DNAH14: variants seen among roughly 807,000 people sequenced by gnomAD.
The protein encoded by DNAH14 is dynein axonemal heavy chain 14.
Under a neutral mutation model 520.9 loss-of-function variants are expected in DNAH14, and 478 were observed. The ratio of observed to expected loss-of-function variants is 0.92; its 90% CI spans 0.85 to 0.99. The LOEUF is 0.99. Among genes scored for constraint, DNAH14 ranks in the 50% least tolerant of loss-of-function variants. The pLI is 0.00. For missense variants in DNAH14, 4,831 were observed against 5,234.5 expected, an observed-to-expected ratio of 0.92 and a Z score of 2.38; for synonymous variants, 1,581 against 1,757.2, an observed-to-expected ratio of 0.90 and a Z score of 2.51.
chr1:225,112,540 TC>T (rs1309283738), intron 23 of DNAH14, among the ~76,000 whole-genome samples: 2 of 152,174 alleles, frequency 1.3e-5, no homozygotes, highest in Non-Finnish European at 2.9e-5. Flanking sequence ...CTGTTATTAT[TC>T]ATTTCAACCC....
At chr1:225,030,276 TA>T (rs1460173776) in intron 11 of DNAH14, among the ~76,000 whole-genome samples, 54 of 152,118 alleles carry the variant, frequency 3.5e-4, no homozygotes, top group African/African-American at 1.3e-3. Context: ...AGGGAATTTA[TA>T]CATGTAAAAA....
chr1:224,967,647 A>C (rs753432129), intron 6 of DNAH14, 64 bp downstream of exon 6: 1 of 1,597,052 alleles, frequency 6.3e-7, no homozygotes, highest in Non-Finnish European at 8.5e-7. Flanking sequence ...CCAAGGTAGA[A>C]TTTAATTGCA....
intron 36 of DNAH14, among the ~76,000 whole-genome samples, chr1:225,174,719 TGTG>T (rs2083125130): frequency 6.6e-6 from 1 of 152,138 alleles, no homozygotes. Flanking sequence ...ATTGAGGAAA[TGTG>T]GTGAAAGTGA....
intron 84 of DNAH14, among the ~76,000 whole-genome samples, chr1:225,394,217 T>C (rs2095970034): frequency 6.6e-6 from 1 of 152,224 alleles, no homozygotes; most frequent in Non-Finnish European, 1.5e-5. Flanking sequence ...ATTTCCTCTT[T>C]TGTGAAGATT....
intron 59 of DNAH14, among the ~76,000 whole-genome samples, chr1:225,308,064 A>G (rs532423970): frequency 5.3e-5 from 8 of 152,356 alleles, no homozygotes; most frequent in African/African-American, 1.9e-4. Flanking sequence ...GACAGAGCTT[A>G]TAAGAGGAGG....
intron 42 of DNAH14, 81 bp from the exon 43 acceptor site, chr1:225,240,512 C>T: frequency 1.2e-6 from 1 of 823,568 alleles, no homozygotes; most frequent in Non-Finnish European, 1.9e-6. Context: ...GAAACTTTAA[C>T]ATTATATTAA....
intron 20 of DNAH14, among the ~76,000 whole-genome samples, chr1:225,083,301 C>T (rs189854818): frequency 1.2e-5 from 1 of 82,060 alleles, no homozygotes; most frequent in African/African-American, 2.9e-5. Context: ...TGGCTGACAA[C>T]ATATAATGTA....
intron 54 of DNAH14, among the ~76,000 whole-genome samples, chr1:225,277,728 A>C (rs773994123): frequency 1.7e-4 from 26 of 152,214 alleles, no homozygotes; most frequent in Non-Finnish European, 3.1e-4. Flanking sequence ...ATAAAACTGC[A>C]CCATTTCTAG....
chr1:225,042,713 CAGTGTTA>C, intron 12 of DNAH14, 115 bp from the exon 13 acceptor site: 1 of 1,026,806 alleles, frequency 9.7e-7, no homozygotes, highest in South Asian at 1.8e-5. Flanking sequence ...TTTGGTAATA[CAGTGTTA>C]CTCGGTTATA....
chr1:225,345,828 T>A, intron 69 of DNAH14, 134 bp from the exon 70 acceptor site: 2 of 659,452 alleles, frequency 3.0e-6, no homozygotes, highest in Non-Finnish European at 2.5e-6. Flanking sequence ...TAACTTCATT[T>A]AAGAGCCCGT....
rs2149801893 is a variant in DNAH14 at position 225,266,718 on chromosome 1, A to G, written c.7488A>G (p.Arg2496=). Reference sequence around the variant, plus strand: ...CACAGCCACCCCTGGAATTGATAAGACAATTGTTAGATTTGGGAGGAGTTT... The same window carrying G: ...CACAGCCACCCCTGGAATTGATAAGGCAATTGTTAGATTTGGGAGGAGTTT... ...YGAQPPLELI[R]QLLDLGGVYD... is the part of the protein sequence containing the mutation. Residue 2496 remains arginine, a synonymous_variant, in exon 49 of 86, where the codon AGA becomes AGG. Transcript: ENST00000682510. The G allele has an allele frequency of 6.5e-7, 1 of 1,528,502 alleles. No individual in the cohort carries two copies. Among genetic ancestry groups the G allele is most frequent in the Non-Finnish European group, 8.8e-7 (1 of 1,140,916 alleles). The allele number at this position is 1,528,502 out of a possible 1,614,324, so 94.7% of individuals were successfully genotyped here.
At chr1:225,034,405 A>G (rs956473950) in intron 11 of DNAH14, among the ~76,000 whole-genome samples, 10 of 152,104 alleles carry the variant, frequency 6.6e-5, no homozygotes, top group African/African-American at 1.9e-4. Flanking sequence ...CCTGGGGATG[A>G]AGCCTACTTG....
At chr1:225,119,151 C>T in intron 25 of DNAH14, 69 bp from the exon 26 acceptor site, 1 of 1,189,216 alleles carries the variant, frequency 8.4e-7, no homozygotes, top group Non-Finnish European at 1.2e-6. Context: ...AGTCTACAGG[C>T]TTGTCAAAGG....
intron 22 of DNAH14, 74 bp from the exon 23 acceptor site, chr1:225,100,639 C>A: frequency 9.2e-7 from 1 of 1,089,886 alleles, no homozygotes; most frequent in Non-Finnish European, 1.2e-6. Context: ...TATTCCGTGG[C>A]AATGCATTAC....
intron 64 of DNAH14, among the ~76,000 whole-genome samples, chr1:225,330,150 T>A (rs918365531): frequency 6.6e-6 from 1 of 152,012 alleles, no homozygotes; most frequent in African/African-American, 2.4e-5. Flanking sequence ...AGACAGGCAA[T>A]AACAAAATGC....
chr1:224,960,017 G>A, intron 3 of DNAH14, 136 bp from the exon 4 acceptor site: 3 of 760,246 alleles, frequency 3.9e-6, no homozygotes, highest in Non-Finnish European at 3.8e-6. Context: ...CAGGCAGTGG[G>A]ATTCAGCCTG....
At chr1:225,028,544 G>A (rs2066300987) in intron 11 of DNAH14, among the ~76,000 whole-genome samples, 1 of 151,644 alleles carries the variant, frequency 6.6e-6, no homozygotes, top group Non-Finnish European at 1.5e-5. Flanking sequence ...TTAAACATTT[G>A]TTAATTTTGT....
chr1:225,185,517 A>C, intron 37 of DNAH14, 92 bp downstream of exon 37: 3 of 1,283,912 alleles, frequency 2.3e-6, no homozygotes, highest in Non-Finnish European at 3.1e-6. Flanking sequence ...TGGTATTTTC[A>C]TTACTTATTA....
At chr1:225,308,874 T>C (rs2094301894) in intron 60 of DNAH14, among the ~76,000 whole-genome samples, 1 of 152,214 alleles carries the variant, frequency 6.6e-6, no homozygotes, top group African/African-American at 2.4e-5. Context: ...AGCAAATCAC[T>C]GCATGCTCAA....
Sources: allele counts gnomAD v4.1 joint callset (sites outside exome capture counted in the v4.1 genomes callset), GRCh38; gene constraint gnomAD v4.1.1; transcripts MANE v1.5; gene names NCBI Gene and HGNC (gene_info 2026-07-23, HGNC 2026-07-21).